The following CPEB3 variants were observed in gnomAD, a reference collection of about 807,000 sequenced individuals.
CPEB3 encodes the protein cytoplasmic polyadenylation element-binding protein 3.
Under a neutral mutation model 67.2 loss-of-function variants are expected in CPEB3, and 20 were observed. That is an observed-to-expected ratio of 0.30 (90% CI 0.21 to 0.43). CPEB3 has a LOEUF of 0.43. Ranked by LOEUF, CPEB3 falls within the 20% of genes least tolerant of loss-of-function variation. The pLI is 1.00. For missense variants in CPEB3, 746 were observed against 968.6 expected, an observed-to-expected ratio of 0.77 and a Z score of 3.05; for synonymous variants, 376 against 393.1, an observed-to-expected ratio of 0.96 and a Z score of 0.51.
At chr10:92,064,750 G>T (rs764946394) in intron 9 of CPEB3, among the ~76,000 whole-genome samples, 6 of 152,078 alleles carry the variant, frequency 3.9e-5, no homozygotes, top group Non-Finnish European at 8.8e-5. Flanking sequence ...CTATAATATG[G>T]CCATAGACAT....
At chr10:92,238,920 C>A (rs927592179) in intron 2 of CPEB3, among the ~76,000 whole-genome samples, 5 of 152,098 alleles carry the variant, frequency 3.3e-5, no homozygotes, top group Non-Finnish European at 7.4e-5. Context: ...GGGTGTGGAC[C>A]GCTTGCAGGC....
At chr10:92,222,571 A>G (rs1347938457) in intron 2 of CPEB3, among the ~76,000 whole-genome samples, 1 of 152,204 alleles carries the variant, frequency 6.6e-6, no homozygotes, top group Non-Finnish European at 1.5e-5. Flanking sequence ...AGAGATGTCT[A>G]TGTTTTAAAA....
At chr10:92,139,239 T>G (rs916573638) in intron 6 of CPEB3, among the ~76,000 whole-genome samples, 16 of 149,838 alleles carry the variant, frequency 1.1e-4, no homozygotes, top group African/African-American at 3.7e-4. Flanking sequence ...ATTGTGCCAT[T>G]GCACTCCAGC....
chr10:92,143,875 GTAGT>G (rs1846554957), intron 5 of CPEB3, among the ~76,000 whole-genome samples: 1 of 152,150 alleles, frequency 6.6e-6, no homozygotes, highest in African/African-American at 2.4e-5. Flanking sequence ...TAACTTTAAT[GTAGT>G]TAGTCTAAAA....
At chr10:92,245,777 C>T (rs1358642018) in intron 1 of CPEB3, among the ~76,000 whole-genome samples, 1 of 152,178 alleles carries the variant, frequency 6.6e-6, no homozygotes, top group Non-Finnish European at 1.5e-5. Context: ...TGGCTCATGC[C>T]TGTAATCCCA....
chr10:92,177,996 C>T (rs1017143926), intron 4 of CPEB3, among the ~76,000 whole-genome samples: 3 of 152,064 alleles, frequency 2.0e-5, no homozygotes, highest in African/African-American at 7.2e-5. Flanking sequence ...ACAACTGACT[C>T]GCATTTTCTT....
At chr10:92,205,308 A>G (rs1024166663) in intron 2 of CPEB3, among the ~76,000 whole-genome samples, 4 of 152,186 alleles carry the variant, frequency 2.6e-5, no homozygotes, top group African/African-American at 9.6e-5. Context: ...CGTAGAACTG[A>G]TTAAGTCATA....
chr10:92,142,968 T>C, intron 6 of CPEB3, 61 bp downstream of exon 6: 1 of 1,203,842 alleles, frequency 8.3e-7, no homozygotes, highest in South Asian at 1.3e-5. Flanking sequence ...GGCTGCCTTT[T>C]ATTGAACTGT....
At chr10:92,052,920 G>A (rs1323838147) in intron 9 of CPEB3, among the ~76,000 whole-genome samples, 1 of 152,210 alleles carries the variant, frequency 6.6e-6, no homozygotes, top group Non-Finnish European at 1.5e-5. Context: ...GAGGAGGCAG[G>A]CACATCCTTG....
At chr10:92,067,271 T>C (rs1472204047) in intron 9 of CPEB3, among the ~76,000 whole-genome samples, 2 of 150,662 alleles carry the variant, frequency 1.3e-5, no homozygotes, top group South Asian at 2.1e-4. Context: ...GAGGCCGAGG[T>C]GGGTGGATCA....
intron 5 of CPEB3, among the ~76,000 whole-genome samples, chr10:92,144,613 G>C (rs979536131): frequency 2.0e-5 from 3 of 152,192 alleles, no homozygotes; most frequent in Non-Finnish European, 2.9e-5. Flanking sequence ...CACATGAGCA[G>C]AAGCTCTGGA....
chr10:92,090,253 A>G (rs1843557612), intron 8 of CPEB3, among the ~76,000 whole-genome samples: 1 of 152,212 alleles, frequency 6.6e-6, no homozygotes. Context: ...ATAAAAACTA[A>G]TTTGTGGCTG....
chr10:92,051,203 C>A lies in CPEB3; in HGVS notation c.*1009G>T, dbSNP rs768556175. ...GGCATGCCTTCCTCCGGTCAATTAC[C>A]AATTCTTTGAATGAAAAAAACTTTT... On this transcript the variant is annotated 3_prime_UTR_variant, in exon 10 of 10. Transcript: ENST00000265997. 6.6e-6 allele frequency: 1 copy of A among 152,502 alleles called. No individual in the cohort carries two copies. Among genetic ancestry groups the A allele is most frequent in the Admixed American group, 6.5e-5 (1 of 15,270 alleles). The allele number at this position is 152,502 out of a possible 1,614,324, so 9.4% of individuals were successfully genotyped here. A position where few individuals can be genotyped will look rare whatever the true frequency, so the allele number is the denominator to read the frequency against.
At chr10:92,208,972 T>C (rs1849933139) in intron 2 of CPEB3, among the ~76,000 whole-genome samples, 1 of 152,140 alleles carries the variant, frequency 6.6e-6, no homozygotes, top group South Asian at 2.1e-4. Flanking sequence ...TTTACCTCAT[T>C]ATATAATCAT....
chr10:92,231,932 C>A (rs1257958353), intron 2 of CPEB3, among the ~76,000 whole-genome samples: 1 of 151,598 alleles, frequency 6.6e-6, no homozygotes, highest in African/African-American at 2.4e-5. Context: ...GTTGGCCAGG[C>A]TGGTCTCGAA....
chr10:92,135,127 C>G, intron 6 of CPEB3, among the ~76,000 whole-genome samples: 1 of 152,166 alleles, frequency 6.6e-6, no homozygotes, highest in Non-Finnish European at 1.5e-5. Flanking sequence ...GACTAAAACA[C>G]CAAAAGCAAT....
chr10:92,271,987 T>C (rs1329294339), intron 1 of CPEB3, among the ~76,000 whole-genome samples: 5 of 152,230 alleles, frequency 3.3e-5, no homozygotes, highest in African/African-American at 9.6e-5. Flanking sequence ...TCAGTAGATA[T>C]AAATAATTCA....
intron 9 of CPEB3, among the ~76,000 whole-genome samples, chr10:92,080,795 C>T (rs1564761712): frequency 6.6e-6 from 1 of 151,972 alleles, no homozygotes; most frequent in Non-Finnish European, 1.5e-5. Context: ...CGGGGTTTCA[C>T]CGTGTTAGCC....
intron 6 of CPEB3, among the ~76,000 whole-genome samples, chr10:92,139,138 A>T (rs1846259930): frequency 6.6e-6 from 1 of 152,058 alleles, no homozygotes; most frequent in South Asian, 2.1e-4. Context: ...TTAGCCAGGC[A>T]TGATGGCACA....
Sources: allele counts gnomAD v4.1 joint callset (sites outside exome capture counted in the v4.1 genomes callset), GRCh38; gene constraint gnomAD v4.1.1; transcripts MANE v1.5; gene names NCBI Gene and HGNC (gene_info 2026-07-23, HGNC 2026-07-21).